Variants in COL27A1 observed in about 807,000 individuals in gnomAD.
COL27A1 encodes collagen alpha-1(XXVII) chain.
A neutral mutation model predicts 251.3 loss-of-function variants in COL27A1; 106 were observed. The ratio of observed to expected loss-of-function variants is 0.42; its 90% CI spans 0.36 to 0.50. COL27A1 has a LOEUF of 0.50. COL27A1 is among the 20% of genes least tolerant of loss of function. The pLI, the probability that COL27A1 is intolerant of heterozygous loss-of-function variation, is 0.00. For missense variants in COL27A1, 2,325 were observed against 2,522.8 expected (o/e 0.92, Z 1.68); for synonymous variants, 1,000 against 986.3 (o/e 1.01, Z -0.26).
rs577405943 is a variant in COL27A1, at chr9:114,204,991, G to A, written c.2125-111G>A. The A allele has an allele frequency of 1.0e-4, 100 of 955,770 alleles. No individual in the cohort carries two copies. The highest frequency in any genetic ancestry group is 8.5e-4 in the Middle Eastern group (4 of 4,732). 59.2% of individuals were successfully genotyped at this position (955,770 alleles called of 1,614,324 possible). On this transcript the variant is annotated intron_variant, in intron 7 of 60. Transcript: ENST00000356083. ...CTTTACTGAGTGCACACTCCATCCC[G>A]GATGCAGTACATACGGTGCTGAACA...
Position 114,168,958 on chromosome 9 carries a change from C to A in COL27A1, c.1403C>A (p.Ala468Asp), listed in dbSNP as rs778471498. Residue 468 changes from alanine to aspartate, a missense_variant, in exon 3 of 61, where the codon GCC (alanine) becomes GAC (aspartate). Transcript: ENST00000356083. ...ACTGAGGCCAAGATAACCAGCCATG[C>A]CAGTAAGCCGGCCTCTGCCCGCACC... ...ARTEAKITSH[A>D]SKPASARTST... The A allele has an allele frequency of 6.2e-7, 1 of 1,614,132 alleles. No homozygotes were observed. Among genetic ancestry groups the A allele is most frequent in the South Asian group, 1.1e-5 (1 of 91,070 alleles).
rs1376059303 is a variant in COL27A1, at chr9:114,310,601, C to T, written c.5489C>T (p.Pro1830Leu). Residue 1830 changes from proline to leucine, a missense_variant, in exon 61 of 61, where the codon CCC (proline) becomes CTC (leucine). Pro to Leu is a moderately conservative substitution (Grantham distance 98, BLOSUM62 -3). Transcript: ENST00000356083. ...QTLFTFRTQD[P>L]QQLPIISVDN... ...CTCTTCACCTTCCGGACCCAAGACC[C>T]CCAACAGCTGCCCATCATCAGTGTG... is the stretch of plus-strand genomic sequence containing the variant. The T allele has an allele frequency of 6.2e-7, 1 of 1,614,186 alleles. No homozygotes were observed. Among genetic ancestry groups the T allele is most frequent in the South Asian group, 1.1e-5 (1 of 91,082 alleles).
chr9:114,307,844 C>T, intron 59 of COL27A1, 66 bp downstream of exon 59: 1 of 1,156,002 alleles, frequency 8.7e-7, no homozygotes, highest in Non-Finnish European at 1.3e-6. Flanking sequence ...CCCTGGGCCA[C>T]AACCAACCCA....
chr9:114,168,287 C>A lies in COL27A1; in HGVS notation c.732C>A (p.Ser244=), dbSNP rs757163848. 1.2e-6 allele frequency: 2 copies of A among 1,613,618 alleles called. No homozygotes were observed. Among genetic ancestry groups the A allele is most frequent in the Non-Finnish European group, 1.7e-6 (2 of 1,180,026 alleles). The change falls in exon 3 of 61, where the codon TCC becomes TCA. Residue 244 remains serine, a synonymous_variant. Coordinates refer to ENST00000356083, the MANE Select transcript of COL27A1 (RefSeq NM_032888.4). The part of the protein sequence containing the change: ...KQCGQADTYQ[S]PLGPLFSQDS... Reference sequence around the variant, plus strand: ...GTGGACAGGCTGACACGTACCAGTCCCCACTGGGACCTCTCTTCTCCCAAG... The same window carrying A: ...GTGGACAGGCTGACACGTACCAGTCACCACTGGGACCTCTCTTCTCCCAAG...
At position 114,282,514 on chromosome 9, in the gene COL27A1, C is replaced by A. The variant is rs762033759; in HGVS notation, c.3829C>A (p.Pro1277Thr). 24 of 1,571,650 alleles carry A rather than the reference C, an allele frequency of 1.5e-5. No homozygotes were observed. Among genetic ancestry groups the A allele is most frequent in the Non-Finnish European group, 1.9e-5 (22 of 1,161,086 alleles). ...GEMGVPGDPG[P>T]PGTPGPKGSR... Reference sequence around the variant, plus strand: ...GATGGGCGTCCCTGGAGACCCTGGACCCCCTGGCACTCCAGGCCCTAAAGG... The same window carrying A: ...GATGGGCGTCCCTGGAGACCCTGGAACCCCTGGCACTCCAGGCCCTAAAGG... The change falls in exon 39 of 61, where the codon CCC (proline) becomes ACC (threonine). Residue 1277 changes from proline (P) to threonine (T), a missense_variant. Around this residue, in one of 4 missense-constraint regions of COL27A1, gnomAD observed 662 missense variants for 795.3 expected, o/e 0.83. Coordinates refer to ENST00000356083, the MANE Select transcript of COL27A1 (RefSeq NM_032888.4).
At chr9:114,279,944 CATT>C (rs1388225293) in intron 37 of COL27A1, among the ~76,000 whole-genome samples, 1 of 152,080 alleles carries the variant, frequency 6.6e-6, no homozygotes, top group Non-Finnish European at 1.5e-5. Context: ...ATATAAAAAT[CATT>C]AATAAGATAT....
At position 114,168,957 on chromosome 9, in the gene COL27A1, G is replaced by A. The variant is rs1588569855; in HGVS notation, c.1402G>A (p.Ala468Thr). ...GACTGAGGCCAAGATAACCAGCCATGCCAGTAAGCCGGCCTCTGCCCGCAC... is the reference window on the plus strand; with the variant it reads ...GACTGAGGCCAAGATAACCAGCCATACCAGTAAGCCGGCCTCTGCCCGCAC... ...ARTEAKITSH[A>T]SKPASARTST... Residue 468 changes from alanine to threonine, a missense_variant, in exon 3 of 61, where the codon GCC (alanine) becomes ACC (threonine). Ala to Thr is a moderately conservative substitution (Grantham distance 58, BLOSUM62 0). Transcript: ENST00000356083. The A allele has an allele frequency of 4.3e-6, 7 of 1,614,036 alleles. No individual in the cohort carries two copies. The highest frequency in any genetic ancestry group is 4.0e-5 in the African/African-American group (3 of 74,994).
chr9:114,186,129 C>T (rs1174507091), intron 5 of COL27A1, among the ~76,000 whole-genome samples: 2 of 152,210 alleles, frequency 1.3e-5, no homozygotes, highest in African/African-American at 2.4e-5. Context: ...CAGGCCAGAG[C>T]CAGGCCACAC....
intron 2 of COL27A1, among the ~76,000 whole-genome samples, chr9:114,166,368 A>AATCCATCCATCTGTCC (rs1848864530): frequency 2.7e-5 from 1 of 37,082 alleles, no homozygotes; most frequent in African/African-American, 5.5e-5. Flanking sequence ...TCCATCCATC[A>AATCCATCCATCTGTCC]ATCCATCCAT....
At chr9:114,185,032 T>G (rs2135188320) in intron 5 of COL27A1, among the ~76,000 whole-genome samples, 1 of 152,308 alleles carries the variant, frequency 6.6e-6, no homozygotes, top group Admixed American at 6.5e-5. Flanking sequence ...CTGCTGGCCC[T>G]GCTCAGAGCA....
At chr9:114,263,421 G>A (rs979179554) in intron 28 of COL27A1, among the ~76,000 whole-genome samples, 4 of 151,942 alleles carry the variant, frequency 2.6e-5, no homozygotes, top group Non-Finnish European at 5.9e-5. Context: ...GGACACTCCT[G>A]TCCTCCCAAC....
intron 14 of COL27A1, among the ~76,000 whole-genome samples, chr9:114,223,789 G>A (rs1420548426): frequency 6.6e-6 from 1 of 152,184 alleles, no homozygotes; most frequent in Non-Finnish European, 1.5e-5. Context: ...AACAATAGTG[G>A]TACCTAACTT....
chr9:114,275,567 T>C, intron 36 of COL27A1, 94 bp from the exon 37 acceptor site: 4 of 772,340 alleles, frequency 5.2e-6, no homozygotes, highest in Middle Eastern at 2.4e-4. Context: ...TGGCTGTGGA[T>C]GCCTGAATGG....
chr9:114,154,775 G>A (rs1165676823), upstream of COL27A1, among the ~76,000 whole-genome samples: 5 of 152,266 alleles, frequency 3.3e-5, no homozygotes, highest in East Asian at 9.7e-4. The surrounding 1 kb of genome is among the most constrained non-coding windows in gnomAD (Gnocchi z 5.8). Context: ...GTGGATACGT[G>A]TGGGAGTGTG....
rs368823650 is a variant in COL27A1, at chr9:114,258,590, G to A, written c.3191G>A (p.Arg1064His). ...GPPGMRGAKG[R>H]RGPRGPDGPA... Reference sequence around the variant, plus strand: ...CCAGGCATGAGGGGAGCAAAGGGACGTCGGGTAAGTCGAGCCCAGCTCCTG... The same window carrying A: ...CCAGGCATGAGGGGAGCAAAGGGACATCGGGTAAGTCGAGCCCAGCTCCTG... The change falls in exon 28 of 61, where the codon CGT becomes CAT. Residue 1064 changes from arginine to histidine, a missense_variant. Physicochemically the swap from Arg to His is conservative, Grantham distance 29. Transcript: ENST00000356083. 3.2e-5 allele frequency: 51 copies of A among 1,613,858 alleles called. No individual in the cohort carries two copies. The Middle Eastern group carries it at 6.6e-4, about 21-fold the overall frequency.
chr9:114,258,651 C>T lies in COL27A1; in HGVS notation c.3195+57C>T, dbSNP rs532287599. On this transcript the variant is annotated intron_variant, in intron 28 of 60. Transcript: ENST00000356083. ...CTGGTGGGAGGGGGCACACTTGGAA[C>T]AGGGCCATCTGCCAGAGACTGCCTG... 240 of 1,554,034 alleles carry T rather than the reference C, an allele frequency of 1.5e-4. No homozygotes were observed. In the African/African-American group the frequency reaches 3.0e-3, roughly 20 times the overall value.
Position 114,288,536 on chromosome 9 carries a change from C to T in COL27A1, c.4044+25C>T, listed in dbSNP as rs377673081. ...GGTAAGCCCCCTCCCTCCCCTGGACCATGTGGCGTCCTAGGTGGAATCTGA... is the reference window on the plus strand; with the variant it reads ...GGTAAGCCCCCTCCCTCCCCTGGACTATGTGGCGTCCTAGGTGGAATCTGA... On this transcript the variant is annotated intron_variant, in intron 42 of 60. Coordinates refer to ENST00000356083, the MANE Select transcript of COL27A1 (RefSeq NM_032888.4). The T allele has an allele frequency of 5.4e-5, 86 of 1,591,876 alleles. 1 individual carries two copies. The African/African-American group carries it at 8.6e-4, about 16-fold the overall frequency.
intron 28 of COL27A1, among the ~76,000 whole-genome samples, chr9:114,261,060 G>T (rs1399147559): frequency 6.6e-6 from 1 of 152,214 alleles, no homozygotes; most frequent in Non-Finnish European, 1.5e-5. Flanking sequence ...AAACGGGTTG[G>T]CAACAGAACA....
At chr9:114,217,113 T>C (rs1830762566) in intron 12 of COL27A1, among the ~76,000 whole-genome samples, 2 of 152,022 alleles carry the variant, frequency 1.3e-5, no homozygotes, top group Admixed American at 1.3e-4. Context: ...GCTGTTGGGG[T>C]TTACTGTTGC....
Sources: allele counts gnomAD v4.1 joint callset (sites outside exome capture counted in the v4.1 genomes callset), GRCh38; gene constraint gnomAD v4.1.1; regional missense constraint gnomAD v4.1.1; non-coding constraint Gnocchi (gnomAD v3.1); transcripts MANE v1.5; gene names NCBI Gene and HGNC (gene_info 2026-07-23, HGNC 2026-07-21).